The following SDHC variants were observed in gnomAD, a reference collection of about 807,000 sequenced individuals.
SDHC encodes succinate dehydrogenase complex subunit C, also known as succinate dehydrogenase cytochrome b560 subunit, mitochondrial.
SDHC carries 11 observed loss-of-function variants against 22.6 expected under a neutral mutation model. The ratio of observed to expected loss-of-function variants is 0.49; its 90% confidence interval spans 0.31 to 0.81. The LOEUF (loss-of-function observed/expected upper bound fraction) is 0.81, where lower values mean the gene tolerates loss of function less well. Among genes scored for constraint, SDHC ranks in the 30% least tolerant of loss-of-function variants. The pLI is 0.05. For missense variants in SDHC, 160 were observed against 212.0 expected (o/e 0.75, Z 1.52); for synonymous variants, 80 against 77.8 (o/e 1.03, Z -0.15).
At chr1:161,356,318 C>A (rs1667642029) in intron 4 of SDHC, among the ~76,000 whole-genome samples, 1 of 152,098 alleles carries the variant, frequency 6.6e-6, no homozygotes, top group South Asian at 2.1e-4. Flanking sequence ...GTGGGCAGAT[C>A]ACTTGAGGTC....
intron 4 of SDHC, among the ~76,000 whole-genome samples, chr1:161,350,827 C>T (rs898539879): frequency 6.6e-6 from 1 of 152,138 alleles, no homozygotes; most frequent in East Asian, 1.9e-4. Context: ...CAACAGTTTT[C>T]TATGAGCACC....
Position 161,340,605 on chromosome 1 carries a change from C to G in SDHC, c.191C>G (p.Pro64Arg). Residue 64 changes from proline to arginine, a missense_variant, in exon 4 of 6, where the codon CCC becomes CGC. Physicochemically the swap from Pro to Arg is moderately radical, Grantham distance 103. Around this residue, in one of 2 missense-constraint regions of SDHC, gnomAD observed 86 missense variants for 83.4 expected, o/e 1.03. Transcript: ENST00000367975. Reference sequence around the variant, plus strand: ...GTGTTTCTTTACAGTTGGTCTCTTCCCATGGCGATGTCCATCTGCCACCGT... The same window carrying G: ...GTGTTTCTTTACAGTTGGTCTCTTCGCATGGCGATGTCCATCTGCCACCGT... Reference protein sequence around the residue: ...PHITIYSWSLPMAMSICHRGT... With the variant: ...PHITIYSWSLRMAMSICHRGT... 6.2e-7 allele frequency: 1 copy of G among 1,613,872 alleles called. No individual in the cohort carries two copies. Among genetic ancestry groups the G allele is most frequent in the Non-Finnish European group, 8.5e-7 (1 of 1,179,820 alleles).
chr1:161,358,783 G>A (rs1380091986), intron 5 of SDHC, among the ~76,000 whole-genome samples: 7 of 151,906 alleles, frequency 4.6e-5, no homozygotes, highest in South Asian at 2.1e-4. Context: ...AAAATTAGCC[G>A]GGCATGGTGG....
At chr1:161,331,414 A>G (rs570417820) in intron 3 of SDHC, among the ~76,000 whole-genome samples, 25 of 151,604 alleles carry the variant, frequency 1.6e-4, no homozygotes, top group Non-Finnish European at 2.8e-4. Flanking sequence ...ACTACAGTGC[A>G]TGTCACCACG....
intron 4 of SDHC, among the ~76,000 whole-genome samples, chr1:161,352,106 A>G (rs1035305515): frequency 1.1e-4 from 17 of 152,270 alleles, no homozygotes; most frequent in Admixed American, 5.2e-4. Flanking sequence ...GAAATTGTTC[A>G]GCTGTTAGAG....
At chr1:161,357,645 C>T (rs1223801351) in intron 5 of SDHC, among the ~76,000 whole-genome samples, 2 of 151,782 alleles carry the variant, frequency 1.3e-5, no homozygotes, top group African/African-American at 4.8e-5. Flanking sequence ...GTGATCCACC[C>T]CTCTCAGCTT....
intron 2 of SDHC, among the ~76,000 whole-genome samples, chr1:161,326,297 G>A (rs1366493283): frequency 6.6e-6 from 1 of 151,912 alleles, no homozygotes; most frequent in Non-Finnish European, 1.5e-5. Context: ...TAAGATAAGT[G>A]GAGGAACATG....
chr1:161,347,593 C>T (rs1203767220), intron 4 of SDHC, among the ~76,000 whole-genome samples: 5 of 149,834 alleles, frequency 3.3e-5, no homozygotes, highest in East Asian at 2.1e-4. Flanking sequence ...TGGGGCCAGG[C>T]GCGGTGGCTC....
intron 1 of SDHC, among the ~76,000 whole-genome samples, chr1:161,320,127 A>G (rs1670788001): frequency 6.6e-6 from 1 of 152,232 alleles, no homozygotes; most frequent in Non-Finnish European, 1.5e-5. Flanking sequence ...CTCTTGTTAC[A>G]GTCCTAGTGA....
chr1:161,342,780 C>T (rs1671766485), intron 4 of SDHC, among the ~76,000 whole-genome samples: 1 of 152,134 alleles, frequency 6.6e-6, no homozygotes, highest in African/African-American at 2.4e-5. Flanking sequence ...CAGGCGTGAG[C>T]CACTGTGCCT....
intron 4 of SDHC, among the ~76,000 whole-genome samples, chr1:161,346,684 C>A (rs866368704): frequency 4.6e-5 from 7 of 152,234 alleles, no homozygotes; most frequent in Middle Eastern, 6.8e-3. Context: ...AGGTATGAGC[C>A]ACCATGCCCG....
At chr1:161,348,706 C>T (rs1214969357) in intron 4 of SDHC, among the ~76,000 whole-genome samples, 3 of 145,142 alleles carry the variant, frequency 2.1e-5, no homozygotes, top group Non-Finnish European at 4.5e-5. Flanking sequence ...TTGTGGGTGG[C>T]GCATGGCTAT....
In SDHC at chr1:161,363,140, G is replaced by A. The variant is rs890575302; in HGVS notation, c.*707G>A. On this transcript the variant is annotated 3_prime_UTR_variant, in exon 6 of 6. Coordinates refer to ENST00000367975, the MANE Select transcript of SDHC (RefSeq NM_003001.5). ...CCTCTTAATTTTATGCTTTCTCATCGAAGTAATGTACCCTTTTTTTCTGAA... is the reference window on the plus strand; with the variant it reads ...CCTCTTAATTTTATGCTTTCTCATCAAAGTAATGTACCCTTTTTTTCTGAA... The A allele has an allele frequency of 1.4e-4, 32 of 234,310 alleles. 1 individual carries two copies. Among genetic ancestry groups the A allele is most frequent in the South Asian group, 3.6e-4 (2 of 5,630 alleles). The allele number at this position is 234,310 out of a possible 1,614,324, so 14.5% of individuals were successfully genotyped here.
intron 1 of SDHC, among the ~76,000 whole-genome samples, chr1:161,316,554 G>A (rs12745115): frequency 0.36 from 54,122 of 152,032 alleles, 10,901 homozygotes; most frequent in African/African-American, 0.55. Context: ...TCTTATGTCT[G>A]CTTTCTATAC....
chr1:161,357,463 G>A (rs190942128), intron 5 of SDHC, among the ~76,000 whole-genome samples: 47 of 152,190 alleles, frequency 3.1e-4, no homozygotes, highest in Admixed American at 1.9e-3. Context: ...CAGTTGGCGC[G>A]ATCTTGGGTC....
At chr1:161,355,094 A>T (rs1489855745) in intron 4 of SDHC, among the ~76,000 whole-genome samples, 1 of 152,224 alleles carries the variant, frequency 6.6e-6, no homozygotes, top group African/African-American at 2.4e-5. Flanking sequence ...ACTGAGCTCC[A>T]ACAGATAATG....
rs1033355070 is a variant in SDHC, at chr1:161,322,386, AT to A, written c.21-1220del. Reference sequence around the variant, plus strand: ...GAAAACTTTCATGGGGTCAGTAAAAATTTTTTTTATTCCCATTTTTTTGCAC... The same window carrying A: ...GAAAACTTTCATGGGGTCAGTAAAAATTTTTTTATTCCCATTTTTTTGCAC... On this transcript the variant is annotated intron_variant, in intron 1 of 5. Transcript: ENST00000367975. Among the ~76,000 whole-genome samples, 18 of 151,918 alleles carry A rather than the reference AT, an allele frequency of 1.2e-4. 1 individual carries two copies. Among genetic ancestry groups the A allele is most frequent in the Admixed American group, 3.3e-4 (5 of 15,236 alleles).
At chr1:161,358,607 A>T (rs922306595) in intron 5 of SDHC, among the ~76,000 whole-genome samples, 1 of 151,494 alleles carries the variant, frequency 6.6e-6, no homozygotes, top group African/African-American at 2.4e-5. Flanking sequence ...ACTGCACTTC[A>T]GCCTGGGTGA....
chr1:161,340,913 G>A (rs947682143), intron 4 of SDHC, among the ~76,000 whole-genome samples: 1 of 152,034 alleles, frequency 6.6e-6, no homozygotes, highest in African/African-American at 2.4e-5. Flanking sequence ...GCGCGATCTC[G>A]GCTCACTGCA....
Sources: allele counts gnomAD v4.1 joint callset (sites outside exome capture counted in the v4.1 genomes callset), GRCh38; gene constraint gnomAD v4.1.1; regional missense constraint gnomAD v4.1.1; transcripts MANE v1.5; gene names NCBI Gene and HGNC (gene_info 2026-07-23, HGNC 2026-07-21).